The following PTBP2 variants were observed in gnomAD, a reference collection of about 807,000 sequenced individuals.
PTBP2 encodes the protein polypyrimidine tract binding protein 2.
PTBP2 carries 13 observed loss-of-function variants against 61.4 expected under a neutral mutation model. The observed-to-expected ratio is 0.21, with a 90% CI of 0.14 to 0.34. PTBP2 has a LOEUF of 0.34. Among genes scored for constraint, PTBP2 ranks in the 10% least tolerant of loss-of-function variants. PTBP2 has a pLI of 1.00. For missense variants in PTBP2, 405 were observed against 642.6 expected (o/e 0.63, Z 4.00); for synonymous variants, 215 against 218.5 (o/e 0.98, Z 0.14).
intron 8 of PTBP2, among the ~76,000 whole-genome samples, chr1:96,799,334 C>T (rs558911643): frequency 1.2e-4 from 11 of 90,558 alleles, no homozygotes; most frequent in Admixed American, 2.9e-4. Flanking sequence ...CTTGCTCTGT[C>T]GCCCAGGCTG....
chr1:96,744,072 TCCC>T (rs956355363), intron 2 of PTBP2, among the ~76,000 whole-genome samples: 17 of 152,050 alleles, frequency 1.1e-4, no homozygotes, highest in African/African-American at 4.1e-4. Context: ...GCGCCTATAG[TCCC>T]AGCTACTCGG....
In PTBP2 at chr1:96,810,471, G is replaced by T. The variant is rs563194440; in HGVS notation, c.1172-2241G>T. On this transcript the variant is annotated intron_variant, in intron 11 of 13. Coordinates refer to ENST00000674951, the MANE Select transcript of PTBP2 (RefSeq NM_021190.4). ...TAGATCACTTCAGATCCTATTGTCA[G>T]CAATCAGCTGGCTAGAACTCTCTTG... 2.6e-5 allele frequency among the ~76,000 whole-genome samples: 4 copies of T among 152,182 alleles called. No homozygotes were observed. The South Asian group carries it at 8.3e-4, about 32-fold the overall frequency.
At chr1:96,791,338 G>A (rs1659768870) in intron 8 of PTBP2, among the ~76,000 whole-genome samples, 2 of 152,150 alleles carry the variant, frequency 1.3e-5, no homozygotes, top group South Asian at 4.1e-4. Flanking sequence ...TTACTTTTGT[G>A]TGTGTGTATG....
chr1:96,765,708 TTAGATAGATAGA>T (rs34315705), intron 3 of PTBP2, among the ~76,000 whole-genome samples: 32 of 147,392 alleles, frequency 2.2e-4, no homozygotes, highest in South Asian at 8.9e-4. Flanking sequence ...AGACTCTGTC[TTAGATAGATAGA>T]TAGATAGATA....
intron 3 of PTBP2, among the ~76,000 whole-genome samples, chr1:96,761,722 C>A (rs1049921545): frequency 3.4e-5 from 5 of 149,110 alleles, no homozygotes; most frequent in Non-Finnish European, 7.4e-5. Context: ...CGCTACTGTT[C>A]TGTTTTTTTT....
rs75500732 is a variant in PTBP2 at position 96,750,926 on chromosome 1, A to G, written c.40-499A>G. Among the ~76,000 whole-genome samples the G allele has an allele frequency of 3.0e-4, 46 of 152,130 alleles. No individual in the cohort carries two copies. The East Asian group carries it at 5.0e-3, about 17-fold the overall frequency. ...TGCAGAAAGAAATCTCTTCATTCCAAAGATTTTGCCTTTGCTTTCGGTGTT... is the reference window on the plus strand; with the variant it reads ...TGCAGAAAGAAATCTCTTCATTCCAGAGATTTTGCCTTTGCTTTCGGTGTT... On this transcript the variant is annotated intron_variant, in intron 2 of 13. Coordinates refer to ENST00000674951, the MANE Select transcript of PTBP2 (RefSeq NM_021190.4).
intron 11 of PTBP2, 54 bp downstream of exon 11, chr1:96,807,012 T>C: frequency 7.5e-7 from 1 of 1,326,822 alleles, no homozygotes; most frequent in Non-Finnish European, 1.1e-6. Context: ...TTCAAATGCA[T>C]AATGTGAATG....
intron 2 of PTBP2, among the ~76,000 whole-genome samples, chr1:96,735,026 T>A (rs1310813861): frequency 6.6e-6 from 1 of 151,124 alleles, no homozygotes; most frequent in Non-Finnish European, 1.5e-5. Flanking sequence ...CAAGCGATTC[T>A]CCTGCCTCAG....
intron 4 of PTBP2, 32 bp from the exon 5 acceptor site, chr1:96,770,676 A>G (rs536736011): frequency 1.9e-6 from 3 of 1,553,156 alleles, no homozygotes; most frequent in South Asian, 1.1e-5. Context: ...TTGAATTTAT[A>G]GTATTAAAAA....
rs1246815084 is a variant in PTBP2 at position 96,726,368 on chromosome 1, G to C, written c.39+2774G>C. On this transcript the variant is annotated intron_variant, in intron 2 of 13. Transcript: ENST00000674951. ...GCTTACTGCAACCTCTGCCTCCTGG[G>C]TTCAGGCAATTCTCCTGCCTCAGCC... Among the ~76,000 whole-genome samples the C allele has an allele frequency of 2.0e-5, 3 of 149,790 alleles. No homozygotes were observed. The East Asian group carries it at 6.0e-4, about 30-fold the overall frequency.
intron 8 of PTBP2, among the ~76,000 whole-genome samples, chr1:96,797,839 T>C (rs1425916678): frequency 6.6e-6 from 1 of 152,156 alleles, no homozygotes; most frequent in Non-Finnish European, 1.5e-5. Context: ...CAGTACACCA[T>C]TGTTTTACCC....
chr1:96,806,666 G>A, intron 10 of PTBP2, 200 bp from the exon 11 acceptor site: 1 of 654,220 alleles, frequency 1.5e-6, no homozygotes, highest in Non-Finnish European at 2.6e-6. Context: ...ACATAGCTTT[G>A]AGGGTTTATC....
intron 11 of PTBP2, among the ~76,000 whole-genome samples, chr1:96,811,408 G>A (rs1191695850): frequency 6.6e-6 from 1 of 151,852 alleles, no homozygotes; most frequent in Non-Finnish European, 1.5e-5. Context: ...TAACTCTACT[G>A]TTTTTTGTTG....
intron 11 of PTBP2, among the ~76,000 whole-genome samples, chr1:96,807,224 A>G (rs1026376621): frequency 6.6e-6 from 1 of 152,202 alleles, no homozygotes; most frequent in African/African-American, 2.4e-5. Flanking sequence ...TGAGAATTAT[A>G]TCATTTATAT....
intron 2 of PTBP2, among the ~76,000 whole-genome samples, chr1:96,741,702 A>T (rs1267323862): frequency 6.6e-6 from 1 of 152,114 alleles, no homozygotes. Context: ...CCTTACGTAT[A>T]GGCTTGTGTA....
Position 96,814,603 on chromosome 1 carries a change from T to C in PTBP2, c.*1198T>C, listed in dbSNP as rs1662366693. ...TTTGAACAGTTCTTGTCAATCCGAATTGTTGATTCTGTTTAAATGACCAAT... is the reference window on the plus strand; with the variant it reads ...TTTGAACAGTTCTTGTCAATCCGAACTGTTGATTCTGTTTAAATGACCAAT... On this transcript the variant is annotated 3_prime_UTR_variant, in exon 14 of 14. Transcript: ENST00000674951. 1 of 152,530 alleles carries C rather than the reference T, an allele frequency of 6.6e-6. No homozygotes were observed. Among genetic ancestry groups the C allele is most frequent in the Admixed American group, 6.6e-5 (1 of 15,256 alleles). The allele number at this position is 152,530 out of a possible 1,614,324, so 9.4% of individuals were successfully genotyped here. A position where few individuals can be genotyped will look rare whatever the true frequency, so the allele number is the denominator to read the frequency against.
chr1:96,789,813 A>G (rs993950462), intron 8 of PTBP2, among the ~76,000 whole-genome samples: 3 of 152,024 alleles, frequency 2.0e-5, no homozygotes, highest in African/African-American at 4.8e-5. Flanking sequence ...TCTAAAGCAA[A>G]TCCTTGACAT....
At chr1:96,779,371 C>A (rs1231484135) in intron 7 of PTBP2, among the ~76,000 whole-genome samples, 1 of 151,822 alleles carries the variant, frequency 6.6e-6, no homozygotes, top group Non-Finnish European at 1.5e-5. Context: ...TCTTCTGACC[C>A]CAAAGAAAAG....
At chr1:96,806,642 A>G (rs1661517512) in intron 10 of PTBP2, among the ~76,000 whole-genome samples, 190 bp downstream of exon 10, 1 of 149,492 alleles carries the variant, frequency 6.7e-6, no homozygotes, top group Non-Finnish European at 1.5e-5. Flanking sequence ...ATGGTCTTTA[A>G]TTTAATATCA....
Sources: gnomAD v4.1 joint callset for allele counts (sites outside exome capture counted in the v4.1 genomes callset) on GRCh38, gnomAD v4.1.1 for gene constraint, MANE v1.5 for transcripts, NCBI Gene and HGNC (gene_info 2026-07-23, HGNC 2026-07-21) for gene names.